EIF5: variants seen among roughly 807,000 people sequenced by gnomAD.
EIF5 encodes eukaryotic translation initiation factor 5.
In EIF5, 10 loss-of-function variants were observed where a neutral mutation model predicts 48.3. The ratio of observed to expected loss-of-function variants is 0.21; its 90% CI spans 0.13 to 0.35. EIF5 has a LOEUF of 0.35. EIF5 is among the 10% of genes least tolerant of loss of function. The pLI, the probability that EIF5 is intolerant of heterozygous loss-of-function variation, is 1.00. For missense variants in EIF5, 397 were observed against 533.2 expected (o/e 0.74, Z 2.51); for synonymous variants, 237 against 173.1 (o/e 1.37, Z -2.90).
chr14:103,340,273 T>G, intron 10 of EIF5, 154 bp from the exon 11 acceptor site: 1 of 760,188 alleles, frequency 1.3e-6, no homozygotes, highest in Non-Finnish European at 2.2e-6. Flanking sequence ...CATAACAGAC[T>G]GCTGAGACTA....
chr14:103,337,100 GTTA>G lies in EIF5; in HGVS notation c.328-13_328-11del. 1 of 1,601,114 alleles carries G rather than the reference GTTA, an allele frequency of 6.2e-7. No individual in the cohort carries two copies. Among genetic ancestry groups the G allele is most frequent in the Non-Finnish European group, 8.5e-7 (1 of 1,173,126 alleles). ...TCATGTTATATTATGGATAACATTT[GTTA>G]TTTTTTTGGCAGCATGTCAATCCAA... On this transcript the variant is annotated splice_polypyrimidine_tract_variant and intron_variant, in intron 5 of 11. Coordinates refer to ENST00000216554, the MANE Select transcript of EIF5 (RefSeq NM_001969.5).
At chr14:103,339,483 C>G (rs1428948238) in intron 9 of EIF5, 150 bp downstream of exon 9, 1 of 1,400,280 alleles carries the variant, frequency 7.1e-7, no homozygotes, top group East Asian at 2.3e-5. Context: ...AGTGCCATAC[C>G]TAGGCCCTTA....
chr14:103,334,718 G>C (rs1434359481), intron 2 of EIF5, 121 bp downstream of exon 2: 2 of 146,060 alleles, frequency 1.4e-5, no homozygotes, highest in East Asian at 4.0e-4. Flanking sequence ...GCGGGCCCGG[G>C]CGCCGGCCGC....
At position 103,338,767 on chromosome 14, in the gene EIF5, T is replaced by A. The variant is rs544654901; in HGVS notation, c.618T>A (p.Asp206Glu). ...AGGAGGATGATGACTGGGGAGAAGATACAACTGAGGAAGCTCAAAGGCGTC... is the reference window on the plus strand; with the variant it reads ...AGGAGGATGATGACTGGGGAGAAGAAACAACTGAGGAAGCTCAAAGGCGTC... ...EEEEDDDWGEDTTEEAQRRRM... is the reference protein window; with the variant it reads ...EEEEDDDWGEETTEEAQRRRM... Residue 206 changes from aspartate (D) to glutamate (E), a missense_variant, in exon 8 of 12, where the codon GAT becomes GAA. Physicochemically the swap from Asp to Glu is conservative, Grantham distance 45. Around this residue, in one of 4 missense-constraint regions of EIF5, gnomAD observed 126 missense variants for 141.9 expected, o/e 0.89. Coordinates refer to ENST00000216554, the MANE Select transcript of EIF5 (RefSeq NM_001969.5). The A allele has an allele frequency of 1.2e-6, 2 of 1,614,140 alleles. No individual in the cohort carries two copies. Among genetic ancestry groups the A allele is most frequent in the Admixed American group, 1.7e-5 (1 of 60,016 alleles).
rs140043665 is a variant in EIF5 at position 103,336,416 on chromosome 14, A to G, written c.155-261A>G. On this transcript the variant is annotated intron_variant, in intron 4 of 11. Coordinates refer to ENST00000216554, the MANE Select transcript of EIF5 (RefSeq NM_001969.5). ...GCCAACATAGTGAAATCCTGAGTCT[A>G]CTACTAATACAAAAATTAGCCAGGC... The G allele has an allele frequency of 1.6e-3, 884 of 554,302 alleles. 8 individuals are homozygous for G. The highest frequency in any genetic ancestry group is 0.015 in the African/African-American group (814 of 53,190). 34.3% of individuals were successfully genotyped at this position (554,302 alleles called of 1,614,324 possible).
rs1176265353 is a variant in EIF5, at chr14:103,338,072, C to A, written c.440-255C>A. 3 of 601,850 alleles carry A rather than the reference C, an allele frequency of 5.0e-6. No individual in the cohort carries two copies. In the African/African-American group the frequency reaches 5.5e-5, roughly 11 times the overall value. 37.3% of individuals were successfully genotyped at this position (601,850 alleles called of 1,614,324 possible). On this transcript the variant is annotated intron_variant, in intron 6 of 11. Transcript: ENST00000216554. ...CACCTCTCCCTAGTGGAGGCATCAT[C>A]ACTTCATCTTACTCTTTCTTAGCAG...
At chr14:103,334,984 C>T (rs1474073836) in intron 2 of EIF5, 1 of 152,274 alleles carries the variant, frequency 6.6e-6, no homozygotes, top group African/African-American at 2.4e-5. Context: ...GCGCGCCCCC[C>T]TCCTTCGCGG....
In EIF5 at chr14:103,338,357, A is replaced by T. The variant is rs777225335; in HGVS notation, c.470A>T (p.Glu157Val). Residue 157 changes from glutamate (E) to valine (V), a missense_variant, in exon 7 of 12, where the codon GAA (glutamate) becomes GTA (valine). Glu to Val is a moderately radical substitution (Grantham distance 121, BLOSUM62 -2). This residue lies in a region of EIF5 where 126 missense variants were observed against 141.9 expected (regional missense o/e 0.89). Transcript: ENST00000216554. ...AGTGACAGTGGTACAGGAAAGAAAG[A>T]AAAAGAAAAGAAAAACAGAAAGGGC... Reference protein sequence around the residue: ...ENSDSGTGKKEKEKKNRKGKD... With the variant: ...ENSDSGTGKKVKEKKNRKGKD... The T allele has an allele frequency of 1.2e-6, 2 of 1,614,164 alleles. No homozygotes were observed. The highest frequency in any genetic ancestry group is 1.7e-6 in the Non-Finnish European group (2 of 1,180,002).
chr14:103,336,245 T>A (rs2089284262), intron 4 of EIF5, 128 bp downstream of exon 4: 1 of 1,004,566 alleles, frequency 1.0e-6, no homozygotes, highest in Non-Finnish European at 1.5e-6. Flanking sequence ...AACCGTGGTT[T>A]ATTGGTTGCC....
chr14:103,340,284 A>T (rs2089337830), intron 10 of EIF5, 143 bp from the exon 11 acceptor site: 2 of 828,886 alleles, frequency 2.4e-6, no homozygotes, highest in Non-Finnish European at 3.9e-6. Context: ...GCTGAGACTA[A>T]CGTGTTCACT....
chr14:103,337,777 G>A, intron 6 of EIF5: 2 of 452,914 alleles, frequency 4.4e-6, no homozygotes, highest in Non-Finnish European at 8.6e-6. Context: ...AATTCTGCTG[G>A]AAACCCAGCA....
At position 103,339,668 on chromosome 14, in the gene EIF5, G is replaced by A. The variant is rs149375790; in HGVS notation, c.936G>A (p.Arg312=). The change falls in exon 10 of 12, where the codon CGG becomes CGA. Residue 312 remains arginine (R), a synonymous_variant. Coordinates refer to ENST00000216554, the MANE Select transcript of EIF5 (RefSeq NM_001969.5). ...RFCHNNKKAQ[R]YLLHGLECVV... ...GTCACAACAACAAAAAAGCCCAACGGTACCTTCTTCATGGTTTGGAGTGTG... is the reference window on the plus strand; with the variant it reads ...GTCACAACAACAAAAAAGCCCAACGATACCTTCTTCATGGTTTGGAGTGTG... 65 of 1,614,156 alleles carry A rather than the reference G, an allele frequency of 4.0e-5. No homozygotes were observed. The highest frequency in any genetic ancestry group is 1.7e-4 in the Admixed American group (10 of 60,014).
At chr14:103,339,504 G>C in intron 9 of EIF5, 135 bp from the exon 10 acceptor site, 1 of 1,435,738 alleles carries the variant, frequency 7.0e-7, no homozygotes, top group Non-Finnish European at 9.5e-7. Context: ...CAAAGTAACA[G>C]GGATGTTTAT....
intron 6 of EIF5, 193 bp downstream of exon 6, chr14:103,337,420 C>G: frequency 1.8e-6 from 1 of 552,940 alleles, no homozygotes; most frequent in Non-Finnish European, 3.2e-6. Context: ...GCCTGGCCAA[C>G]ATAGTGAAAC....
chr14:103,342,293 C>A lies in EIF5; in HGVS notation c.*1241C>A, dbSNP rs1457294615. On this transcript the variant is annotated 3_prime_UTR_variant, in exon 12 of 12. Coordinates refer to ENST00000216554, the MANE Select transcript of EIF5 (RefSeq NM_001969.5). ...AAGAAGTCTGATGGCCACCTGAGTG[C>A]AGGTGACAAGGACCTGACAGAGCCC... is the stretch of plus-strand genomic sequence containing the variant. The A allele has an allele frequency of 6.6e-6, 1 of 152,180 alleles. No homozygotes were observed. The allele number at this position is 152,180 out of a possible 1,614,324, so 9.4% of individuals were successfully genotyped here.
chr14:103,338,313 C>CT lies in EIF5; in HGVS notation c.440-7dup, dbSNP rs774174527. ...GTTATGGGGTTAAATTTTTATTTCC[C>CT]TTTTTTTCTGTAGAGAATAGTGACA... On this transcript the variant is annotated splice_polypyrimidine_tract_variant and intron_variant, in intron 6 of 11. Transcript: ENST00000216554. The CT allele has an allele frequency of 2.6e-5, 42 of 1,608,610 alleles. No homozygotes were observed. The highest frequency in any genetic ancestry group is 1.7e-4 in the Middle Eastern group (1 of 5,990).
intron 2 of EIF5, chr14:103,335,249 A>AAG (rs1479348780): frequency 1.3e-5 from 2 of 154,242 alleles, no homozygotes; most frequent in Non-Finnish European, 2.9e-5. Flanking sequence ...TGCCCTTAAA[A>AAG]ATGAAGACGA....
Position 103,338,909 on chromosome 14 carries a change from G to A in EIF5, c.744+16G>A, listed in dbSNP as rs754798567. 1.2e-6 allele frequency: 2 copies of A among 1,610,908 alleles called. No individual in the cohort carries two copies. Among genetic ancestry groups the A allele is most frequent in the Non-Finnish European group, 1.7e-6 (2 of 1,178,314 alleles). On this transcript the variant is annotated intron_variant, in intron 8 of 11. Coordinates refer to ENST00000216554, the MANE Select transcript of EIF5 (RefSeq NM_001969.5). ...TTTTGTTAAGGTAAAACATTTGCTTGGTCTGTAAATCAGCTTCAACCCAGC... is the reference window on the plus strand; with the variant it reads ...TTTTGTTAAGGTAAAACATTTGCTTAGTCTGTAAATCAGCTTCAACCCAGC...
intron 8 of EIF5, 41 bp downstream of exon 8, chr14:103,338,934 C>A: frequency 6.3e-7 from 1 of 1,599,252 alleles, no homozygotes; most frequent in East Asian, 2.2e-5. Flanking sequence ...TTCAACCCAG[C>A]CTTGTTTGTG....
Sources: allele counts gnomAD v4.1 joint callset, GRCh38; gene constraint gnomAD v4.1.1; regional missense constraint gnomAD v4.1.1; transcripts MANE v1.5; gene names NCBI Gene and HGNC (gene_info 2026-07-23, HGNC 2026-07-21).